Variants in PREX1 observed in about 807,000 individuals in gnomAD.
PREX1 encodes the protein phosphatidylinositol-3,4,5-trisphosphate dependent Rac exchange factor 1, also known as phosphatidylinositol 3,4,5-trisphosphate-dependent Rac exchanger 1 protein.
In PREX1, 41 loss-of-function variants were observed where a neutral mutation model predicts 198.3. The ratio of observed to expected loss-of-function variants is 0.21; its 90% CI spans 0.16 to 0.27. The LOEUF is 0.27. Ranked by LOEUF, PREX1 falls within the 10% of genes least tolerant of loss-of-function variation. The probability of loss-of-function intolerance (pLI) is 1.00; values close to 1 mark genes in which losing one functional copy is unlikely to be tolerated. For synonymous variants in PREX1, 843 were observed against 887.2 expected (o/e 0.95, Z 0.89); for missense variants, 1,620 against 2,200.7 (o/e 0.74, Z 5.28).
At chr20:48,697,525 C>T (rs1411767336) in intron 7 of PREX1, among the ~76,000 whole-genome samples, 1 of 151,932 alleles carries the variant, frequency 6.6e-6, no homozygotes, top group Admixed American at 6.6e-5. Flanking sequence ...GGATTACAAG[C>T]GTGTGCCACC....
At chr20:48,640,845 G>GGATGGGTAGGTGGGTA (rs2089404070) in intron 29 of PREX1, among the ~76,000 whole-genome samples, 1 of 148,362 alleles carries the variant, frequency 6.7e-6, no homozygotes, top group African/African-American at 2.5e-5. Flanking sequence ...ACAAGAAGAT[G>GGATGGGTAGGTGGGTA]GATGGATGGA....
chr20:48,748,813 C>T (rs552614417), intron 1 of PREX1, among the ~76,000 whole-genome samples: 55 of 152,246 alleles, frequency 3.6e-4, no homozygotes, highest in African/African-American at 1.3e-3. Context: ...ACCAGAGGTT[C>T]GGATTTGGGT....
chr20:48,828,344 G>T (rs1007399693), upstream of PREX1, among the ~76,000 whole-genome samples: 1 of 151,996 alleles, frequency 6.6e-6, no homozygotes, highest in Non-Finnish European at 1.5e-5. Context: ...CAGTCACCGC[G>T]GGCTACGCCA....
the PREX1 span, among the ~76,000 whole-genome samples, chr20:48,848,648 C>G: frequency 6.6e-6 from 1 of 152,112 alleles, no homozygotes; most frequent in South Asian, 2.1e-4. Flanking sequence ...ACCCACCAGT[C>G]CCCCCAGAAT....
At chr20:48,643,653 T>C (rs12329434) in intron 27 of PREX1, among the ~76,000 whole-genome samples, 9,769 of 152,148 alleles carry the variant, frequency 0.064, 373 homozygotes, top group South Asian at 0.13. Context: ...TTCATTTTTA[T>C]GGACTTCTTT....
chr20:48,671,423 G>C lies in PREX1; in HGVS notation c.1665+4770C>G, dbSNP rs2089674499. ...ATGCCTGGGTACAGACGGCATTGTT[G>C]AGCTCTAGGACCACAAACTCCAGAC... On this transcript the variant is annotated intron_variant, in intron 14 of 39. Coordinates refer to ENST00000371941, the MANE Select transcript of PREX1 (RefSeq NM_020820.4). Among the ~76,000 whole-genome samples the C allele has an allele frequency of 2.0e-5, 3 of 152,176 alleles. 1 individual carries two copies. In the South Asian group the frequency reaches 6.2e-4, roughly 32 times the overall value.
At chr20:48,634,608 C>A in intron 33 of PREX1, 68 bp downstream of exon 33, 2 of 1,515,482 alleles carry the variant, frequency 1.3e-6, no homozygotes, top group East Asian at 2.3e-5. Flanking sequence ...ACAGGGTGAC[C>A]CCAGAGAGCT....
chr20:48,689,494 C>T (rs181754971), intron 9 of PREX1, among the ~76,000 whole-genome samples: 16 of 152,272 alleles, frequency 1.1e-4, no homozygotes, highest in African/African-American at 3.9e-4. Flanking sequence ...GTTCCATATT[C>T]GTGCTCGTGA....
chr20:48,693,364 T>C (rs930989807), intron 7 of PREX1, among the ~76,000 whole-genome samples: 2 of 151,626 alleles, frequency 1.3e-5, no homozygotes, highest in African/African-American at 4.9e-5. Context: ...AGGTAGGGCC[T>C]TTGAGAGATG....
At chr20:48,875,573 G>A in the PREX1 span, among the ~76,000 whole-genome samples, 3 of 152,288 alleles carry the variant, frequency 2.0e-5, no homozygotes, top group East Asian at 1.9e-4. Flanking sequence ...TATTGTGTAC[G>A]TTGTGTGATG....
the PREX1 span, among the ~76,000 whole-genome samples, chr20:48,846,169 T>C: frequency 6.6e-6 from 1 of 152,084 alleles, no homozygotes; most frequent in Non-Finnish European, 1.5e-5. Flanking sequence ...TACGGTCACA[T>C]AGCCAATAAA....
At chr20:48,806,372 G>A (rs2090411889) in intron 1 of PREX1, among the ~76,000 whole-genome samples, 1 of 152,170 alleles carries the variant, frequency 6.6e-6, no homozygotes, top group African/African-American at 2.4e-5. Flanking sequence ...GAGGGTTTAT[G>A]TGACCCAATA....
rs1453613549 is a variant in PREX1, at chr20:48,827,576, G to A, written c.219+66C>T. ...CCCACGGGGACCACGGCCACAGGTT[G>A]TGGGGACCGCAGCGGGGCGAGCGGC... On this transcript the variant is annotated intron_variant, in intron 1 of 39. Transcript: ENST00000371941. The surrounding 1 kb of genome is among the most constrained non-coding windows in gnomAD (Gnocchi z 4.1). 12 of 1,136,234 alleles carry A rather than the reference G, an allele frequency of 1.1e-5. No individual in the cohort carries two copies. The highest frequency in any genetic ancestry group is 1.3e-5 in the Non-Finnish European group (12 of 898,034). 70.4% of individuals were successfully genotyped at this position (1,136,234 alleles called of 1,614,324 possible). A position where few individuals can be genotyped will look rare whatever the true frequency, so the allele number is the denominator to read the frequency against.
At chr20:48,630,704 C>T in intron 36 of PREX1, 24 bp downstream of exon 36, 2 of 1,558,160 alleles carry the variant, frequency 1.3e-6, no homozygotes, top group Non-Finnish European at 1.8e-6. Flanking sequence ...AAGCTCCCTG[C>T]AGCAGGAGGG....
At chr20:48,887,858 G>C in the PREX1 span, among the ~76,000 whole-genome samples, 21 of 147,062 alleles carry the variant, frequency 1.4e-4, no homozygotes, top group Non-Finnish European at 2.7e-4. Context: ...GCTGAGGCGG[G>C]AGAATGGCGT....
intron 1 of PREX1, among the ~76,000 whole-genome samples, chr20:48,782,783 G>A (rs2090295643): frequency 6.6e-6 from 1 of 152,194 alleles, no homozygotes; most frequent in Non-Finnish European, 1.5e-5. Context: ...GGTCCATGGA[G>A]CAGCAGGCTC....
chr20:48,844,175 C>A, the PREX1 span, among the ~76,000 whole-genome samples: 1 of 152,236 alleles, frequency 6.6e-6, no homozygotes, highest in East Asian at 1.9e-4. Context: ...CCATCCTTAT[C>A]ATATTCAATT....
chr20:48,845,188 G>C, the PREX1 span, among the ~76,000 whole-genome samples: 1 of 152,194 alleles, frequency 6.6e-6, no homozygotes, highest in Non-Finnish European at 1.5e-5. Flanking sequence ...CAGTGACTAA[G>C]ACAAAGTTCC....
In PREX1 at chr20:48,646,044, T is replaced by C. The variant is rs546386088; in HGVS notation, c.3319A>G (p.Ile1107Val). ...VTQINRLLSTITEPTSGGSCD... is the reference protein window; with the variant it reads ...VTQINRLLSTVTEPTSGGSCD... ...GACCCACCCGAGGTGGGCTCTGTGATGGTGGACAGCAGCCTACGGAAGCAA... is the reference window on the plus strand; with the variant it reads ...GACCCACCCGAGGTGGGCTCTGTGACGGTGGACAGCAGCCTACGGAAGCAA... Residue 1107 changes from isoleucine (I) to valine (V), a missense_variant, in exon 26 of 40, where the codon ATC becomes GTC. Ile to Val is a conservative substitution (Grantham distance 29, BLOSUM62 3). Coordinates refer to ENST00000371941, the MANE Select transcript of PREX1 (RefSeq NM_020820.4). 71 of 1,613,826 alleles carry C rather than the reference T, an allele frequency of 4.4e-5. No individual in the cohort carries two copies. In the South Asian group the frequency reaches 7.4e-4, roughly 17 times the overall value.
Sources: allele counts gnomAD v4.1 joint callset (sites outside exome capture counted in the v4.1 genomes callset), GRCh38; gene constraint gnomAD v4.1.1; non-coding constraint Gnocchi (gnomAD v3.1); transcripts MANE v1.5; gene names NCBI Gene and HGNC (gene_info 2026-07-23, HGNC 2026-07-21).